AP3B2: variants seen among roughly 807,000 people sequenced by gnomAD.
The protein encoded by AP3B2 is adaptor related protein complex 3 subunit beta 2, also known as AP-3 complex subunit beta-2.
AP3B2 carries 50 observed loss-of-function variants against 126.9 expected under a neutral mutation model. The ratio of observed to expected loss-of-function variants is 0.39; its 90% confidence interval spans 0.31 to 0.50. AP3B2 has a LOEUF of 0.50. AP3B2 is among the 20% of genes least tolerant of loss of function. AP3B2 has a pLI of 0.79. For missense variants in AP3B2, 1,177 were observed against 1,426.4 expected (o/e 0.83, Z 2.82); for synonymous variants, 541 against 565.0 (o/e 0.96, Z 0.60).
At position 82,680,269 on chromosome 15, in the gene AP3B2, T is replaced by C. The variant is rs760706041; in HGVS notation, c.1056-40A>G. On this transcript the variant is annotated intron_variant, in intron 8 of 26. Transcript: ENST00000535359. This position sits in a 1 kb window ranked among gnomAD's most constrained non-coding sequence, Gnocchi z 6.1. ...GGTCAGAGCACCCCGGGCCCCTCGG[T>C]TGGGGCAAGGGTCAGCGGATGAGGG... is the stretch of plus-strand genomic sequence containing the variant. The C allele has an allele frequency of 2.9e-5, 47 of 1,612,144 alleles. 1 individual carries two copies. In the East Asian group the frequency reaches 8.5e-4, roughly 29 times the overall value.
intron 14 of AP3B2, 77 bp from the exon 15 acceptor site, chr15:82,667,010 C>G: frequency 2.1e-6 from 3 of 1,459,126 alleles, no homozygotes; most frequent in South Asian, 1.3e-5. Context: ...TTCTTTAAGC[C>G]GACACTTTCA....
At chr15:82,688,246 T>G in intron 4 of AP3B2, 1 of 587,048 alleles carries the variant, frequency 1.7e-6, no homozygotes, top group Admixed American at 3.0e-5. Context: ...GAAAAGCCCT[T>G]AGGGGGGAGA....
chr15:82,671,846 C>G (rs940392656), intron 14 of AP3B2, among the ~76,000 whole-genome samples: 3 of 152,018 alleles, frequency 2.0e-5, no homozygotes, highest in Non-Finnish European at 4.4e-5. Flanking sequence ...GAGTTCAAGA[C>G]CAGCCTGGCC....
Position 82,708,260 on chromosome 15 carries a change from C to T in AP3B2, c.113+1334G>A, listed in dbSNP as rs184229473. ...CCCTTTGACTGTAATTTTCCACTAC[C>T]TACCCAAATCCTGTAAAACGGTCCC... On this transcript the variant is annotated intron_variant, in intron 1 of 26. Coordinates refer to ENST00000535359, the MANE Select transcript of AP3B2 (RefSeq NM_001278512.2). Among the ~76,000 whole-genome samples, 164 of 151,780 alleles carry T rather than the reference C, an allele frequency of 1.1e-3. 2 individuals are homozygous for T. Among genetic ancestry groups the T allele is most frequent in the South Asian group, 8.4e-3 (40 of 4,782 alleles).
chr15:82,683,370 G>T (rs1268194963), intron 4 of AP3B2, among the ~76,000 whole-genome samples: 1 of 152,126 alleles, frequency 6.6e-6, no homozygotes, highest in Non-Finnish European at 1.5e-5. Flanking sequence ...TCCATTTTAA[G>T]AAAGGACTTT....
At chr15:82,696,185 G>C (rs1252785999) in intron 1 of AP3B2, among the ~76,000 whole-genome samples, 1 of 152,096 alleles carries the variant, frequency 6.6e-6, no homozygotes, top group Non-Finnish European at 1.5e-5. Context: ...GAGGTACTGG[G>C]GGCTAGAACT....
At chr15:82,679,868 C>T (rs2048304031) in intron 9 of AP3B2, 68 bp from the exon 10 acceptor site, 2 of 1,419,630 alleles carry the variant, frequency 1.4e-6, no homozygotes, top group Admixed American at 1.7e-5. Context: ...CCAGAGACAC[C>T]CCTCCTATCC....
chr15:82,685,521 T>C (rs911779098), intron 4 of AP3B2: 1 of 152,218 alleles, frequency 6.6e-6, no homozygotes, highest in Non-Finnish European at 1.5e-5. Flanking sequence ...ATTCTGGAAT[T>C]GACTTTTAAA....
intron 1 of AP3B2, 151 bp downstream of exon 1, chr15:82,709,443 C>T (rs1368179264): frequency 3.1e-6 from 1 of 320,154 alleles, no homozygotes; most frequent in African/African-American, 2.3e-5. Context: ...TGGGCCGGGG[C>T]TCCAGGCCGC....
At chr15:82,685,992 G>C (rs1349814091) in intron 4 of AP3B2, 1 of 152,210 alleles carries the variant, frequency 6.6e-6, no homozygotes, top group African/African-American at 2.4e-5. Flanking sequence ...ACAACGTGGT[G>C]AAATATACTT....
At chr15:82,691,873 A>T in intron 1 of AP3B2, 2 of 1,279,566 alleles carry the variant, frequency 1.6e-6, no homozygotes, top group Non-Finnish European at 2.3e-6. Flanking sequence ...CACTATCATG[A>T]GAGTGGAATT....
At chr15:82,686,398 A>C (rs1427793757) in intron 4 of AP3B2, 3 of 152,244 alleles carry the variant, frequency 2.0e-5, no homozygotes, top group African/African-American at 7.2e-5. Flanking sequence ...GTGACAACAA[A>C]AAAGAAAACA....
intron 1 of AP3B2, among the ~76,000 whole-genome samples, chr15:82,705,297 T>C (rs2048779555): frequency 1.3e-5 from 2 of 152,336 alleles, no homozygotes; most frequent in Admixed American, 1.3e-4. Flanking sequence ...TGTTACAGCA[T>C]GGCCTTTTAA....
intron 1 of AP3B2, chr15:82,692,094 G>C (rs1314377344): frequency 1.3e-5 from 19 of 1,495,320 alleles, no homozygotes; most frequent in Non-Finnish European, 1.7e-5. Context: ...TCCCACCACG[G>C]GGCCACCCAC....
intron 14 of AP3B2, among the ~76,000 whole-genome samples, chr15:82,673,856 T>A (rs1205827489): frequency 2.0e-5 from 3 of 152,172 alleles, no homozygotes; most frequent in Non-Finnish European, 2.9e-5. Context: ...GTAAAGGCGG[T>A]CACATGGGAG....
chr15:82,681,255 C>A lies in AP3B2; in HGVS notation c.522-77G>T. ...CAATATCTGTCCAAGCCATGCTCACCTCCTGCACCCCAGCCTTATTGTTCT... is the reference window on the plus strand; with the variant it reads ...CAATATCTGTCCAAGCCATGCTCACATCCTGCACCCCAGCCTTATTGTTCT... On this transcript the variant is annotated intron_variant, in intron 5 of 26. Coordinates refer to ENST00000535359, the MANE Select transcript of AP3B2 (RefSeq NM_001278512.2). This position sits in a 1 kb window ranked among gnomAD's most constrained non-coding sequence, Gnocchi z 4.0. 1 of 1,539,076 alleles carries A rather than the reference C, an allele frequency of 6.5e-7. No homozygotes were observed. Among genetic ancestry groups the A allele is most frequent in the Non-Finnish European group, 8.8e-7 (1 of 1,131,576 alleles).
chr15:82,690,544 G>C lies in AP3B2; in HGVS notation c.114-1091C>G, dbSNP rs146100620. On this transcript the variant is annotated intron_variant, in intron 1 of 26. Coordinates refer to ENST00000535359, the MANE Select transcript of AP3B2 (RefSeq NM_001278512.2). Reference sequence around the variant, plus strand: ...TTGCAGTAGTTTGCTCAGAATGATGGTTTCCAGCTTCATCCATGTCCCTAC... The same window carrying C: ...TTGCAGTAGTTTGCTCAGAATGATGCTTTCCAGCTTCATCCATGTCCCTAC... Among the ~76,000 whole-genome samples, 609 of 149,816 alleles carry C rather than the reference G, an allele frequency of 4.1e-3. 3 individuals are homozygous for C. Among genetic ancestry groups the C allele is most frequent in the Non-Finnish European group, 6.8e-3 (460 of 67,776 alleles).
intron 4 of AP3B2, among the ~76,000 whole-genome samples, chr15:82,682,083 C>T (rs184139891): frequency 1.7e-4 from 20 of 115,466 alleles, no homozygotes; most frequent in East Asian, 5.7e-4. Context: ...GATGGAGTCT[C>T]GCTCTGTCGC....
At position 82,664,285 on chromosome 15, in the gene AP3B2, G is replaced by C. The variant is rs139829365; in HGVS notation, c.2261+82C>G. ...ACGAGGGGCTCAGGGGCTCTTAGGA[G>C]ACTGGCTAAAGCTCAATGCTAGCCC... On this transcript the variant is annotated intron_variant, in intron 19 of 26. Coordinates refer to ENST00000535359, the MANE Select transcript of AP3B2 (RefSeq NM_001278512.2). The surrounding 1 kb of genome is among the most constrained non-coding windows in gnomAD (Gnocchi z 4.5). 1.2e-6 allele frequency: 2 copies of C among 1,601,354 alleles called. No homozygotes were observed. The highest frequency in any genetic ancestry group is 1.7e-6 in the Non-Finnish European group (2 of 1,175,702).
Sources: gnomAD v4.1 joint callset for allele counts (sites outside exome capture counted in the v4.1 genomes callset) on GRCh38, gnomAD v4.1.1 for gene constraint, Gnocchi (gnomAD v3.1) non-coding constraint, MANE v1.5 for transcripts, NCBI Gene and HGNC (gene_info 2026-07-23, HGNC 2026-07-21) for gene names.